Variants in CENPF observed in about 807,000 individuals in gnomAD.
The protein encoded by CENPF is AH antigen.
Under a neutral mutation model 307.3 loss-of-function variants are expected in CENPF, and 214 were observed. The ratio of observed to expected loss-of-function variants is 0.70; its 90% CI spans 0.62 to 0.78. The LOEUF is 0.78. Among genes scored for constraint, CENPF ranks in the 30% least tolerant of loss-of-function variants. The pLI is 0.00. For synonymous variants in CENPF, 1,259 were observed against 1,270.6 expected, an observed-to-expected ratio of 0.99 and a Z score of 0.19; for missense variants, 3,401 against 3,483.9, an observed-to-expected ratio of 0.98 and a Z score of 0.60.
Position 214,663,916 on chromosome 1 carries a change from A to G in CENPF, c.*122A>G. On this transcript the variant is annotated 3_prime_UTR_variant, in exon 20 of 20. Transcript: ENST00000366955. ...AGTGAGGAGAAAACAATTCCTTAGAAGTCTTAAATATATTGTACTCTTTAG... is the reference window on the plus strand; with the variant it reads ...AGTGAGGAGAAAACAATTCCTTAGAGGTCTTAAATATATTGTACTCTTTAG... The G allele has an allele frequency of 1.3e-6, 1 of 741,420 alleles. No individual in the cohort carries two copies. The highest frequency in any genetic ancestry group is 2.7e-5 in the East Asian group (1 of 36,928). 45.9% of individuals were successfully genotyped at this position (741,420 alleles called of 1,614,324 possible).
intron 1 of CENPF, among the ~76,000 whole-genome samples, chr1:214,612,313 G>A (rs570603449): frequency 2.0e-5 from 3 of 152,250 alleles, no homozygotes; most frequent in East Asian, 1.9e-4. Flanking sequence ...AAATCCTGGC[G>A]ATGAAGCCTA....
intron 1 of CENPF, among the ~76,000 whole-genome samples, chr1:214,610,776 G>T (rs1333978151): frequency 1.3e-5 from 2 of 152,092 alleles, no homozygotes; most frequent in African/African-American, 4.8e-5. Context: ...TGTCCGGGAT[G>T]GTATTGCCTA....
chr1:214,642,910 T>A lies in CENPF; in HGVS notation c.4572T>A (p.Asp1524Glu), dbSNP rs1658170535. Residue 1524 changes from aspartate to glutamate, a missense_variant, in exon 12 of 20, where the codon GAT (aspartate) becomes GAA (glutamate). By Grantham distance (45) the Asp-to-Glu change is conservative. Coordinates refer to ENST00000366955, the MANE Select transcript of CENPF (RefSeq NM_016343.4). ...TTTCAGCAAACCAGTGCAGTGTAGA[T>A]GAAGTATTTTGCAGCAGTCTGCAGG... ...GAVSANQCSV[D>E]EVFCSSLQEE... The A allele has an allele frequency of 6.2e-7, 1 of 1,613,788 alleles. No homozygotes were observed. Among genetic ancestry groups the A allele is most frequent in the Admixed American group, 1.7e-5 (1 of 59,974 alleles).
Position 214,622,270 on chromosome 1 carries a change from G to A in CENPF, c.1057G>A (p.Ala353Thr). The change falls in exon 7 of 20, where the codon GCG becomes ACG. Residue 353 changes from alanine (A) to threonine (T), a missense_variant. Transcript: ENST00000366955. ...GAGAACAACAGCACAATACGACCAG[G>A]CGTCAACCAAGGTACTTGACTTTTC... ...LVRTTAQYDQ[A>T]STKYTALEQK... The A allele has an allele frequency of 2.5e-6, 4 of 1,608,506 alleles. No individual in the cohort carries two copies. Among genetic ancestry groups the A allele is most frequent in the Non-Finnish European group, 3.4e-6 (4 of 1,178,290 alleles).
chr1:214,605,589 G>T (rs1395593971), intron 1 of CENPF: 2 of 1,179,660 alleles, frequency 1.7e-6, no homozygotes, highest in Non-Finnish European at 2.4e-6. Flanking sequence ...GCCGCCCGGG[G>T]GTCCACATGC....
rs565205915 is a variant in CENPF at position 214,658,920 on chromosome 1, C to T, written c.9033C>T (p.Thr3011=). 3.7e-5 allele frequency: 60 copies of T among 1,614,090 alleles called. 1 individual carries two copies. The South Asian group carries it at 6.1e-4, about 17-fold the overall frequency. ...ILRRTTMATR[T]SPRLAAQKLA... ...GAAGAACAACCATGGCAACTCGGAC[C>T]AGCCCCCGCCTGGCTGCACAGAAGT... The change falls in exon 19 of 20, where the codon ACC becomes ACT. Residue 3011 remains threonine, a synonymous_variant. Coordinates refer to ENST00000366955, the MANE Select transcript of CENPF (RefSeq NM_016343.4).
intron 14 of CENPF, among the ~76,000 whole-genome samples, chr1:214,650,805 G>T (rs1455464615): frequency 1.3e-5 from 2 of 152,068 alleles, no homozygotes; most frequent in Non-Finnish European, 2.9e-5. Context: ...GGGATCACCT[G>T]AGCCCTGGAG....
In CENPF at chr1:214,652,444, CTT is replaced by C. The variant is rs34873218; in HGVS notation, c.8161-368_8161-367del. On this transcript the variant is annotated intron_variant, in intron 15 of 19. Transcript: ENST00000366955. ...AGGGTTTTGTTTTTGTTTTTCTTTT[CTT>C]TTTTTTTTTTTTTTTGAGACTGAGC... Among the ~76,000 whole-genome samples, 426 of 120,866 alleles carry C rather than the reference CTT, an allele frequency of 3.5e-3. 5 individuals are homozygous for C. Among genetic ancestry groups the C allele is most frequent in the African/African-American group, 0.012 (362 of 30,368 alleles). 79.3% of individuals were successfully genotyped at this position (120,866 alleles called of 152,430 possible). A position where few individuals can be genotyped will look rare whatever the true frequency, so the allele number is the denominator to read the frequency against.
In CENPF at chr1:214,647,209, G is replaced by T. The variant is rs779120472; in HGVS notation, c.7639G>T (p.Glu2547Ter). ...LVSKLSQVEG[E>*]HQLWKEQNLE... The stretch of plus-strand genomic sequence containing the variant: ...CTCTAAACTGTCCCAGGTGGAAGGA[G>T]AGCACCAACTTTGGAAGGAGCAAAA... The change falls in exon 13 of 20, where the codon GAG becomes TAG. Residue 2547 changes from glutamate to a stop codon, truncating the protein, a stop_gained. Transcript: ENST00000366955. LOFTEE classifies it high-confidence loss of function. 36 of 1,613,958 alleles carry T rather than the reference G, an allele frequency of 2.2e-5. No individual in the cohort carries two copies. The highest frequency in any genetic ancestry group is 1.8e-5 in the Non-Finnish European group (21 of 1,179,994).
Position 214,657,469 on chromosome 1 carries a change from A to C in CENPF, c.8962+60A>C, listed in dbSNP as rs1455371942. The C allele has an allele frequency of 5.5e-6, 7 of 1,266,136 alleles. No homozygotes were observed. In the Admixed American group the frequency reaches 1.0e-4, roughly 19 times the overall value. 78.4% of individuals were successfully genotyped at this position (1,266,136 alleles called of 1,614,324 possible). A position where few individuals can be genotyped will look rare whatever the true frequency, so the allele number is the denominator to read the frequency against. On this transcript the variant is annotated intron_variant, in intron 18 of 19. Coordinates refer to ENST00000366955, the MANE Select transcript of CENPF (RefSeq NM_016343.4). ...CTTTTGAAATTCCATATAATGGTTC[A>C]CATATAAAAAGACAAAAGTATTTGC... is the stretch of plus-strand genomic sequence containing the variant.
In CENPF at chr1:214,648,631, A is replaced by G. The variant is rs948105240; in HGVS notation, c.7831-44A>G. ...TATCAGAGTGGTCGATCTGATCAAA[A>G]CAGACCACCAAAAAGCAGATTCTAA... On this transcript the variant is annotated intron_variant, in intron 13 of 19. Coordinates refer to ENST00000366955, the MANE Select transcript of CENPF (RefSeq NM_016343.4). 3.1e-6 allele frequency: 5 copies of G among 1,605,968 alleles called. No homozygotes were observed. The Admixed American group carries it at 6.8e-5, about 22-fold the overall frequency.
rs2102419503 is a variant in CENPF at position 214,657,233 on chromosome 1, C to G, written c.8786C>G (p.Ser2929Ter). Residue 2929 changes from serine to a stop codon, truncating the protein, a stop_gained, in exon 18 of 20, where the codon TCA becomes TGA. Coordinates refer to ENST00000366955, the MANE Select transcript of CENPF (RefSeq NM_016343.4). LOFTEE classifies it high-confidence loss of function. The part of the protein sequence containing the change: ...KRLSSGQNKA[S>*]GKRQRSSGIW... ...TTATCATCTGGCCAAAATAAAGCTT[C>G]AGGCAAGAGGCAAAGATCCAGTGGA... 1 of 1,614,140 alleles carries G rather than the reference C, an allele frequency of 6.2e-7. No homozygotes were observed. The highest frequency in any genetic ancestry group is 8.5e-7 in the Non-Finnish European group (1 of 1,180,024).
At chr1:214,652,608 T>G (rs1658515713) in intron 15 of CENPF, among the ~76,000 whole-genome samples, 1 of 139,016 alleles carries the variant, frequency 7.2e-6, no homozygotes, top group Admixed American at 7.2e-5. Context: ...CACGCCCAGC[T>G]AATTTTTGTA....
At chr1:214,606,361 G>A (rs1459917758) in intron 1 of CENPF, among the ~76,000 whole-genome samples, 1 of 152,196 alleles carries the variant, frequency 6.6e-6, no homozygotes, top group Admixed American at 6.5e-5. Context: ...GAGTGGCCCT[G>A]GGGCGGAGGT....
At position 214,603,198 on chromosome 1, in the gene CENPF, A is replaced by G. The variant is rs1571687132; in HGVS notation, c.-165A>G. Reference sequence around the variant, plus strand: ...GGAGGTAAGTTTGGTTGAGACCAGAAGCGGGCGAATTGGGCACCGGTGGCG... The same window carrying G: ...GGAGGTAAGTTTGGTTGAGACCAGAGGCGGGCGAATTGGGCACCGGTGGCG... On this transcript the variant is annotated 5_prime_UTR_variant, in exon 1 of 20. Coordinates refer to ENST00000366955, the MANE Select transcript of CENPF (RefSeq NM_016343.4). 1 of 152,688 alleles carries G rather than the reference A, an allele frequency of 6.5e-6. No homozygotes were observed. Among genetic ancestry groups the G allele is most frequent in the Admixed American group, 6.5e-5 (1 of 15,316 alleles). The allele number at this position is 152,688 out of a possible 1,614,324, so 9.5% of individuals were successfully genotyped here.
Position 214,640,344 on chromosome 1 carries a change from A to C in CENPF, c.2006A>C (p.Glu669Ala), listed in dbSNP as rs1168490172. ...TACAACGAGAGAGTAAGAACGCTGG[A>C]GATGGACAGAGAAAACCTAAGTGTC... ...HEYNERVRTL[E>A]MDRENLSVEI... Residue 669 changes from glutamate (E) to alanine (A), a missense_variant, in exon 12 of 20, where the codon GAG (glutamate) becomes GCG (alanine). By Grantham distance (107) the Glu-to-Ala change is moderately radical. Coordinates refer to ENST00000366955, the MANE Select transcript of CENPF (RefSeq NM_016343.4). The C allele has an allele frequency of 6.2e-7, 1 of 1,614,006 alleles. No individual in the cohort carries two copies. Among genetic ancestry groups the C allele is most frequent in the Non-Finnish European group, 8.5e-7 (1 of 1,180,010 alleles).
intron 1 of CENPF, among the ~76,000 whole-genome samples, chr1:214,609,241 A>G (rs1296394043): frequency 2.0e-5 from 3 of 152,148 alleles, no homozygotes; most frequent in Non-Finnish European, 4.4e-5. Flanking sequence ...TGTACTGTAT[A>G]TGTCTTTCCT....
At position 214,640,347 on chromosome 1, in the gene CENPF, T is replaced by A. The variant is rs751462198; in HGVS notation, c.2009T>A (p.Met670Lys). 1 of 1,613,788 alleles carries A rather than the reference T, an allele frequency of 6.2e-7. No individual in the cohort carries two copies. The highest frequency in any genetic ancestry group is 2.2e-5 in the East Asian group (1 of 44,856). ...AACGAGAGAGTAAGAACGCTGGAGA[T>A]GGACAGAGAAAACCTAAGTGTCGAG... ...EYNERVRTLE[M>K]DRENLSVEIR... Residue 670 changes from methionine to lysine, a missense_variant, in exon 12 of 20, where the codon ATG becomes AAG. Coordinates refer to ENST00000366955, the MANE Select transcript of CENPF (RefSeq NM_016343.4).
chr1:214,649,980 C>CTA (rs1658418743), intron 14 of CENPF, among the ~76,000 whole-genome samples: 1 of 152,126 alleles, frequency 6.6e-6, no homozygotes, highest in Admixed American at 6.5e-5. Context: ...AGCTTACAGT[C>CTA]TAGACACATA....
Sources: allele counts gnomAD v4.1 joint callset (sites outside exome capture counted in the v4.1 genomes callset), GRCh38; gene constraint gnomAD v4.1.1; transcripts MANE v1.5; gene names NCBI Gene and HGNC (gene_info 2026-07-23, HGNC 2026-07-21).